The following TTC3 variants were observed in gnomAD, a reference collection of about 807,000 sequenced individuals.
The protein encoded by TTC3 is tetratricopeptide repeat domain 3, also known as E3 ubiquitin-protein ligase TTC3.
Under a neutral mutation model 249.6 loss-of-function variants are expected in TTC3, and 180 were observed. That is an observed-to-expected ratio of 0.72 (90% CI 0.64 to 0.82). TTC3 has a LOEUF of 0.82. Ranked by LOEUF, TTC3 falls within the 40% of genes least tolerant of loss-of-function variation. The pLI is 0.00. For missense variants in TTC3, 2,061 were observed against 2,398.4 expected, an observed-to-expected ratio of 0.86 and a Z score of 2.94; for synonymous variants, 717 against 805.0, an observed-to-expected ratio of 0.89 and a Z score of 1.85.
In TTC3 at chr21:37,156,823, G is replaced by A. The variant is rs761261642; in HGVS notation, c.2909G>A (p.Arg970His). 3.6e-5 allele frequency: 58 copies of A among 1,613,940 alleles called. 1 individual carries two copies. In the South Asian group the frequency reaches 5.6e-4, roughly 16 times the overall value. Residue 970 changes from arginine to histidine, a missense_variant, in exon 28 of 46, where the codon CGT becomes CAT. Transcript: ENST00000355666. ...GAGCCAGCATCATTGAAGGAAGCCC[G>A]TTGTTTAATATGGCTGCTAGAAGAA...
exon 34 of TTC3, chr21:37,167,598 A>G (rs2081363296): frequency 1.9e-6 from 3 of 1,610,666 alleles, no homozygotes; most frequent in Non-Finnish European, 2.5e-6. Flanking sequence ...ACTGAGCCAT[A>G]TAATCCTTTT....
At chr21:37,154,006 C>T (rs1329620870) in intron 27 of TTC3, among the ~76,000 whole-genome samples, 1 of 152,236 alleles carries the variant, frequency 6.6e-6, no homozygotes, top group Non-Finnish European at 1.5e-5. Flanking sequence ...AGCAAGCCCC[C>T]TGCCCTCCCC....
chr21:37,079,623 C>A (rs1253122163), intron 1 of TTC3, among the ~76,000 whole-genome samples: 1 of 144,718 alleles, frequency 6.9e-6, no homozygotes, highest in Non-Finnish European at 1.5e-5. Flanking sequence ...CCTCTGCCTC[C>A]TGAGTTCAAG....
chr21:37,132,826 A>G (rs1239630470), intron 17 of TTC3, 60 bp downstream of exon 17: 14 of 1,332,132 alleles, frequency 1.1e-5, no homozygotes, highest in African/African-American at 1.5e-5. Flanking sequence ...CATTGTTCAC[A>G]TGAATAAGGT....
At chr21:37,092,650 G>C (rs1477025249) in intron 7 of TTC3, among the ~76,000 whole-genome samples, 1 of 152,132 alleles carries the variant, frequency 6.6e-6, no homozygotes, top group Non-Finnish European at 1.5e-5. Context: ...CAAAGCCCAG[G>C]TTTTATTCCA....
chr21:37,118,954 T>C (rs373026117), intron 11 of TTC3, among the ~76,000 whole-genome samples: 2 of 152,314 alleles, frequency 1.3e-5, no homozygotes, highest in East Asian at 3.9e-4. Context: ...TTTCACCTCT[T>C]GAACACATAG....
intron 1 of TTC3, among the ~76,000 whole-genome samples, chr21:37,080,125 T>G (rs758030380): frequency 4.6e-5 from 7 of 152,156 alleles, no homozygotes; most frequent in Non-Finnish European, 1.0e-4. Context: ...CATTCCGATT[T>G]CCTAGTATAA....
At chr21:37,183,434 C>T (rs2082936827) in intron 36 of TTC3, among the ~76,000 whole-genome samples, 1 of 152,158 alleles carries the variant, frequency 6.6e-6, no homozygotes, top group Admixed American at 6.5e-5. Context: ...CATCCCTAAC[C>T]TCCCTCTGCT....
chr21:37,122,066 A>G, intron 12 of TTC3, 87 bp downstream of exon 12: 3 of 1,238,206 alleles, frequency 2.4e-6, no homozygotes, highest in Non-Finnish European at 3.3e-6. Flanking sequence ...AGAGGACCAC[A>G]AATCAATCCT....
intron 28 of TTC3, chr21:37,157,143 A>C: frequency 7.0e-7 from 1 of 1,429,332 alleles, no homozygotes; most frequent in Middle Eastern, 1.9e-4. Context: ...ACAATACACA[A>C]TGTTCTTCCC....
exon 33 of TTC3, chr21:37,165,619 T>C (rs1462077656): frequency 1.8e-5 from 29 of 1,614,046 alleles, no homozygotes; most frequent in Non-Finnish European, 2.5e-5. Context: ...CTGCAGAATA[T>C]GAGTTTTTCC....
At chr21:37,179,673 C>T (rs1007181145) in intron 35 of TTC3, among the ~76,000 whole-genome samples, 5 of 151,814 alleles carry the variant, frequency 3.3e-5, no homozygotes, top group African/African-American at 1.2e-4. Context: ...GACTGTTTTT[C>T]ATTTTGTTTG....
intron 31 of TTC3, among the ~76,000 whole-genome samples, chr21:37,162,309 A>G (rs552305687): frequency 4.6e-5 from 7 of 152,338 alleles, no homozygotes; most frequent in South Asian, 2.1e-4. Flanking sequence ...CTAAGTACAT[A>G]TTGAGAACCT....
chr21:37,158,301 T>C (rs1258409044), intron 28 of TTC3: 2 of 719,014 alleles, frequency 2.8e-6, no homozygotes, highest in African/African-American at 3.9e-5. Flanking sequence ...CCTCTCAGCA[T>C]ACACTCGTCC....
At chr21:37,192,175 G>A (rs1227627194) in exon 41 of TTC3, 1 of 1,609,590 alleles carries the variant, frequency 6.2e-7, no homozygotes, top group Non-Finnish European at 8.5e-7. Flanking sequence ...ACTTTCTAAA[G>A]TGCAGATTTC....
intron 26 of TTC3, 66 bp downstream of exon 26, chr21:37,152,095 C>G: frequency 7.0e-7 from 1 of 1,420,676 alleles, no homozygotes; most frequent in Non-Finnish European, 9.3e-7. Context: ...ATGTAAGCAT[C>G]TTTTGGGCCT....
intron 39 of TTC3, 135 bp from the exon 40 acceptor site, chr21:37,191,199 C>T (rs2084047436): frequency 3.6e-6 from 2 of 549,670 alleles, no homozygotes; most frequent in South Asian, 3.4e-5. Flanking sequence ...TAAGCAATTC[C>T]TTAAAAATAG....
intron 16 of TTC3, among the ~76,000 whole-genome samples, chr21:37,130,849 T>C (rs1180047463): frequency 6.6e-6 from 1 of 152,166 alleles, no homozygotes; most frequent in Admixed American, 6.5e-5. Context: ...TCCTTGCACA[T>C]ACACCTTTGT....
At chr21:37,121,820 C>G in exon 12 of TTC3, 1 of 1,582,818 alleles carries the variant, frequency 6.3e-7, no homozygotes, top group East Asian at 2.3e-5. Context: ...GGAACAGGGT[C>G]ATTATCGTTA....
Sources: allele counts gnomAD v4.1 joint callset (sites outside exome capture counted in the v4.1 genomes callset), GRCh38; gene constraint gnomAD v4.1.1; transcripts MANE v1.5; gene names NCBI Gene and HGNC (gene_info 2026-07-23, HGNC 2026-07-21).